The following MCF2L2 variants were observed in gnomAD, a reference collection of about 807,000 sequenced individuals.
The protein encoded by MCF2L2 is MCF.2 cell line derived transforming sequence-like 2.
In MCF2L2, 102 loss-of-function variants were observed where a neutral mutation model predicts 150.2. The observed-to-expected ratio is 0.68, with a 90% confidence interval of 0.58 to 0.80. MCF2L2 has a LOEUF of 0.80. Among genes scored for constraint, MCF2L2 ranks in the 30% least tolerant of loss-of-function variants. The probability of loss-of-function intolerance (pLI) is 0.00; values close to 1 mark genes in which losing one functional copy is unlikely to be tolerated. For synonymous variants in MCF2L2, 465 were observed against 491.3 expected, an observed-to-expected ratio of 0.95 and a Z score of 0.71; for missense variants, 1,256 against 1,372.8, an observed-to-expected ratio of 0.91 and a Z score of 1.34.
intron 3 of MCF2L2, chr3:183,373,973 C>T (rs1713034934): frequency 6.6e-6 from 1 of 152,568 alleles, no homozygotes; most frequent in Admixed American, 6.6e-5. Context: ...CCGACCTCCA[C>T]CAGTCCCCAG....
chr3:183,276,177 G>GT (rs1265787992), intron 15 of MCF2L2, among the ~76,000 whole-genome samples: 5 of 152,158 alleles, frequency 3.3e-5, no homozygotes, highest in Admixed American at 3.3e-4. Context: ...TGAATACACC[G>GT]TAAGTGAAAG....
intron 3 of MCF2L2, among the ~76,000 whole-genome samples, chr3:183,365,262 C>T (rs970510418): frequency 3.9e-5 from 6 of 152,070 alleles, no homozygotes; most frequent in African/African-American, 1.4e-4. Flanking sequence ...TTCACTTTGC[C>T]CTACACTGAT....
At chr3:183,186,657 G>A (rs1304942386) in intron 27 of MCF2L2, among the ~76,000 whole-genome samples, 1 of 152,252 alleles carries the variant, frequency 6.6e-6, no homozygotes, top group East Asian at 1.9e-4. Context: ...AACCTGGGAG[G>A]TGGAGGTTGC....
At chr3:183,213,148 C>T (rs907385946) in intron 22 of MCF2L2, among the ~76,000 whole-genome samples, 3 of 151,588 alleles carry the variant, frequency 2.0e-5, no homozygotes, top group African/African-American at 7.3e-5. Flanking sequence ...TAAATTTGTT[C>T]CAAAAAGGAA....
chr3:183,337,668 T>C (rs1235448061), intron 5 of MCF2L2, among the ~76,000 whole-genome samples: 1 of 152,222 alleles, frequency 6.6e-6, no homozygotes, highest in Admixed American at 6.5e-5. Context: ...GGGTAGCTAA[T>C]TATTTAACCA....
chr3:183,337,741 G>A (rs1364518233), intron 5 of MCF2L2, among the ~76,000 whole-genome samples: 1 of 152,078 alleles, frequency 6.6e-6, no homozygotes, highest in Non-Finnish European at 1.5e-5. Flanking sequence ...GCTTAATAAT[G>A]AATATCGCTG....
chr3:183,316,622 C>T (rs1423722576), intron 7 of MCF2L2, among the ~76,000 whole-genome samples: 11 of 147,502 alleles, frequency 7.5e-5, no homozygotes, highest in African/African-American at 1.5e-4. Context: ...TAGGATTACA[C>T]GCATGAGCCA....
chr3:183,414,892 C>T (rs1025718169), intron 1 of MCF2L2, among the ~76,000 whole-genome samples: 1 of 152,006 alleles, frequency 6.6e-6, no homozygotes, highest in African/African-American at 2.4e-5. Context: ...AATTTTATTC[C>T]ATTTTGATTA....
At chr3:183,222,058 C>T (rs1354912249) in intron 20 of MCF2L2, among the ~76,000 whole-genome samples, 1 of 152,156 alleles carries the variant, frequency 6.6e-6, no homozygotes, top group East Asian at 1.9e-4. Context: ...CAGATGAGGT[C>T]TTGCTATGTT....
At chr3:183,391,787 G>A (rs1714168549) in intron 1 of MCF2L2, among the ~76,000 whole-genome samples, 2 of 152,230 alleles carry the variant, frequency 1.3e-5, no homozygotes, top group Admixed American at 6.5e-5. Flanking sequence ...CGGAAGTTAT[G>A]TAATTAAAGA....
rs151202402 is a variant in MCF2L2 at position 183,275,573 on chromosome 3, A to G, written c.1862+1299T>C. On this transcript the variant is annotated intron_variant, in intron 15 of 29. Transcript: ENST00000328913. ...GTAACTTTATTCCTTTGTGTTTCTCATAAGTATGATTTGGCAGTCTGCCAT... is the reference window on the plus strand; with the variant it reads ...GTAACTTTATTCCTTTGTGTTTCTCGTAAGTATGATTTGGCAGTCTGCCAT... Among the ~76,000 whole-genome samples the G allele has an allele frequency of 1.6e-4, 24 of 152,310 alleles. No homozygotes were observed. The Middle Eastern group carries it at 0.01, about 65-fold the overall frequency.
chr3:183,340,514 AG>A (rs1344441714), intron 4 of MCF2L2, among the ~76,000 whole-genome samples: 1 of 152,186 alleles, frequency 6.6e-6, no homozygotes, highest in Non-Finnish European at 1.5e-5. Flanking sequence ...GACAACAGAT[AG>A]GGATCAAAAT....
chr3:183,288,815 T>TAACA (rs1308311151), intron 14 of MCF2L2, among the ~76,000 whole-genome samples: 4 of 152,210 alleles, frequency 2.6e-5, no homozygotes, highest in African/African-American at 4.8e-5. Flanking sequence ...CATACACTGT[T>TAACA]CTGCCAATTT....
At chr3:183,212,965 T>TGGGGGGGGG (rs1238129253) in intron 22 of MCF2L2, among the ~76,000 whole-genome samples, 6 of 10,248 alleles carry the variant, frequency 5.9e-4, no homozygotes, top group African/African-American at 1.3e-3. Flanking sequence ...GTGGGGGGGG[T>TGGGGGGGGG]GGGGGGGTGG....
At position 183,350,772 on chromosome 3, in the gene MCF2L2, C is replaced by T. The variant is rs147880322; in HGVS notation, c.276-9142G>A. Among the ~76,000 whole-genome samples, 288 of 152,032 alleles carry T rather than the reference C, an allele frequency of 1.9e-3. 1 individual carries two copies. Among genetic ancestry groups the T allele is most frequent in the Middle Eastern group, 0.01 (3 of 294 alleles). On this transcript the variant is annotated intron_variant, in intron 3 of 29. Coordinates refer to ENST00000328913, the MANE Select transcript of MCF2L2 (RefSeq NM_015078.4). ...ACAAAAAATTAGCTGGGCGTGGTGG[C>T]GGGCGCCTGGAGTCCCAGCTACTCC...
At chr3:183,424,837 C>G (rs1716077599) in intron 1 of MCF2L2, among the ~76,000 whole-genome samples, 1 of 152,018 alleles carries the variant, frequency 6.6e-6, no homozygotes, top group African/African-American at 2.4e-5. Flanking sequence ...AGTGCAAATA[C>G]TTAGAGGTGA....
intron 5 of MCF2L2, among the ~76,000 whole-genome samples, chr3:183,331,724 C>G (rs1325343832): frequency 6.6e-6 from 1 of 152,074 alleles, no homozygotes; most frequent in Non-Finnish European, 1.5e-5. Flanking sequence ...GCCTGGCCAG[C>G]AACAGGGACT....
chr3:183,313,316 T>C (rs928665133), intron 7 of MCF2L2, among the ~76,000 whole-genome samples: 24 of 152,032 alleles, frequency 1.6e-4, no homozygotes, highest in African/African-American at 5.3e-4. Flanking sequence ...AGAAACGCCA[T>C]ATTGGTATAG....
intron 1 of MCF2L2, among the ~76,000 whole-genome samples, chr3:183,394,012 G>GA (rs1714310346): frequency 6.6e-6 from 1 of 151,898 alleles, no homozygotes; most frequent in South Asian, 2.1e-4. Context: ...GATCTGAGGG[G>GA]AAAAAAAGAA....
Sources: allele counts gnomAD v4.1 joint callset (sites outside exome capture counted in the v4.1 genomes callset), GRCh38; gene constraint gnomAD v4.1.1; transcripts MANE v1.5; gene names NCBI Gene and HGNC (gene_info 2026-07-23, HGNC 2026-07-21).